PIP5K1B: variants seen among roughly 807,000 people sequenced by gnomAD.
PIP5K1B encodes the protein phosphatidylinositol-4-phosphate 5-kinase type 1 beta, also known as phosphatidylinositol 4-phosphate 5-kinase type-1 beta.
In PIP5K1B, 42 loss-of-function variants were observed where a neutral mutation model predicts 67.0. That is an observed-to-expected ratio of 0.63 (90% CI 0.49 to 0.81). The LOEUF is 0.81. Among genes scored for constraint, PIP5K1B ranks in the 30% least tolerant of loss-of-function variants. PIP5K1B has a pLI of 0.00. For synonymous variants in PIP5K1B, 214 were observed against 231.4 expected (o/e 0.92, Z 0.68); for missense variants, 459 against 646.3 (o/e 0.71, Z 3.14).
intron 4 of PIP5K1B, among the ~76,000 whole-genome samples, chr9:68,856,797 GA>G (rs1439395293): frequency 6.6e-6 from 1 of 152,142 alleles, no homozygotes; most frequent in African/African-American, 2.4e-5. Flanking sequence ...GGCAACACGG[GA>G]AAAAATGCCA....
At chr9:68,832,053 C>G (rs942331957) in intron 4 of PIP5K1B, among the ~76,000 whole-genome samples, 1 of 152,216 alleles carries the variant, frequency 6.6e-6, no homozygotes, top group South Asian at 2.1e-4. Context: ...TATCTCACTT[C>G]TGAACACAGA....
chr9:68,775,187 A>G (rs1195033953), intron 2 of PIP5K1B, among the ~76,000 whole-genome samples: 1 of 152,184 alleles, frequency 6.6e-6, no homozygotes, highest in Non-Finnish European at 1.5e-5. Flanking sequence ...TGCCCTTTCC[A>G]TCTTCACTAA....
intron 2 of PIP5K1B, among the ~76,000 whole-genome samples, chr9:68,811,054 C>T (rs922868624): frequency 3.9e-5 from 6 of 152,134 alleles, no homozygotes; most frequent in African/African-American, 7.2e-5. Context: ...GTCACAACCT[C>T]GCTCCTCTCC....
At chr9:68,940,936 A>AT (rs1827529478) in intron 14 of PIP5K1B, 146 bp downstream of exon 14, 1 of 782,458 alleles carries the variant, frequency 1.3e-6, no homozygotes, top group African/African-American at 1.7e-5. Flanking sequence ...AACATGCTTG[A>AT]TTTTTACTGT....
intron 1 of PIP5K1B, among the ~76,000 whole-genome samples, chr9:68,712,167 C>T (rs1364571085): frequency 6.6e-6 from 1 of 152,142 alleles, no homozygotes; most frequent in East Asian, 1.9e-4. Flanking sequence ...TATGAGTTTA[C>T]ATGAGATCTG....
At chr9:68,782,591 CTA>C (rs1831356990) in intron 2 of PIP5K1B, 2 of 167,054 alleles carry the variant, frequency 1.2e-5, no homozygotes, top group Non-Finnish European at 2.9e-5. Flanking sequence ...ATTTTTACAA[CTA>C]TGAGAGTAAA....
intron 2 of PIP5K1B, among the ~76,000 whole-genome samples, chr9:68,755,720 C>G (rs1015737935): frequency 4.6e-5 from 7 of 152,136 alleles, no homozygotes. Flanking sequence ...AATAAGACAA[C>G]TAAAGTTATT....
At chr9:68,779,114 C>T (rs2132447617) in intron 2 of PIP5K1B, among the ~76,000 whole-genome samples, 1 of 149,806 alleles carries the variant, frequency 6.7e-6, no homozygotes, top group East Asian at 2.0e-4. Context: ...GTGTTTGGCA[C>T]ATAGTAAGTA....
chr9:68,786,374 T>C lies in PIP5K1B; in HGVS notation c.-85-32087T>C, dbSNP rs534632058. The stretch of plus-strand genomic sequence containing the variant: ...GTGAGGCAGGTGCTATGGATTCCCA[T>C]TGAAGAGATGAGAAAACCAAGGCCA... On this transcript the variant is annotated intron_variant, in intron 2 of 15. Coordinates refer to ENST00000265382, the MANE Select transcript of PIP5K1B (RefSeq NM_003558.4). 2.6e-5 allele frequency among the ~76,000 whole-genome samples: 4 copies of C among 152,314 alleles called. No individual in the cohort carries two copies. In the South Asian group the frequency reaches 8.3e-4, roughly 32 times the overall value.
intron 5 of PIP5K1B, among the ~76,000 whole-genome samples, chr9:68,874,899 G>A: frequency 6.6e-6 from 1 of 152,084 alleles, no homozygotes; most frequent in East Asian, 1.9e-4. Context: ...GTCTCTTTGA[G>A]CCTCTTTGCT....
At chr9:68,944,972 C>G (rs532117348) in intron 14 of PIP5K1B, among the ~76,000 whole-genome samples, 2 of 152,236 alleles carry the variant, frequency 1.3e-5, no homozygotes, top group African/African-American at 4.8e-5. Context: ...TTGTCTTTTC[C>G]ACTGTACCAC....
chr9:68,865,299 C>CAA (rs567188064), intron 5 of PIP5K1B, among the ~76,000 whole-genome samples: 14 of 136,846 alleles, frequency 1.0e-4, no homozygotes, highest in African/African-American at 1.3e-4. Flanking sequence ...CCTACCATTC[C>CAA]AAAAAAAAAA....
At chr9:69,002,270 T>A (rs2133030859) in intron 15 of PIP5K1B, among the ~76,000 whole-genome samples, 1 of 152,378 alleles carries the variant, frequency 6.6e-6, no homozygotes, top group Middle Eastern at 3.4e-3. Context: ...AGCCTTGTAG[T>A]CCCTGGTCCT....
At chr9:68,831,489 T>G (rs950903454) in intron 4 of PIP5K1B, among the ~76,000 whole-genome samples, 2 of 152,138 alleles carry the variant, frequency 1.3e-5, no homozygotes, top group African/African-American at 4.8e-5. Context: ...AAGTCTGGGA[T>G]TTTAACCCCA....
chr9:68,874,439 C>T (rs896185540), intron 5 of PIP5K1B, among the ~76,000 whole-genome samples: 17 of 152,138 alleles, frequency 1.1e-4, no homozygotes, highest in African/African-American at 4.1e-4. Flanking sequence ...GTACGTGTGT[C>T]TGTGTGTCTG....
At chr9:68,769,521 A>G (rs1295897921) in intron 2 of PIP5K1B, among the ~76,000 whole-genome samples, 1 of 152,258 alleles carries the variant, frequency 6.6e-6, no homozygotes, top group African/African-American at 2.4e-5. Context: ...GCACACTGAA[A>G]GTATAACTAG....
chr9:68,908,683 C>CT (rs1564223641), intron 8 of PIP5K1B, among the ~76,000 whole-genome samples: 1 of 152,146 alleles, frequency 6.6e-6, no homozygotes, highest in Non-Finnish European at 1.5e-5. Flanking sequence ...TCTAACTAAA[C>CT]TGGCACAATA....
chr9:68,709,571 G>C (rs1827289048), intron 1 of PIP5K1B, among the ~76,000 whole-genome samples: 1 of 152,094 alleles, frequency 6.6e-6, no homozygotes, highest in South Asian at 2.1e-4. Flanking sequence ...GATTCTTCTG[G>C]CTTATGTGCA....
chr9:68,947,697 C>G (rs1001139674), intron 14 of PIP5K1B, among the ~76,000 whole-genome samples: 1 of 152,190 alleles, frequency 6.6e-6, no homozygotes, highest in Non-Finnish European at 1.5e-5. Context: ...AATTTATTCT[C>G]ATGCCATTGT....
Sources: allele counts gnomAD v4.1 joint callset (sites outside exome capture counted in the v4.1 genomes callset), GRCh38; gene constraint gnomAD v4.1.1; transcripts MANE v1.5; gene names NCBI Gene and HGNC (gene_info 2026-07-23, HGNC 2026-07-21).